APBB2: variants seen among roughly 807,000 people sequenced by gnomAD.
APBB2 encodes Fe65-like 1.
A neutral mutation model predicts 82.5 loss-of-function variants in APBB2; 38 were observed. The ratio of observed to expected loss-of-function variants is 0.46; its 90% confidence interval spans 0.36 to 0.60. The LOEUF (loss-of-function observed/expected upper bound fraction) is 0.60. Ranked by LOEUF, APBB2 falls within the 20% of genes least tolerant of loss-of-function variation. The pLI is 0.00. For synonymous variants in APBB2, 341 were observed against 368.2 expected, an observed-to-expected ratio of 0.93 and a Z score of 0.85; for missense variants, 772 against 972.3, an observed-to-expected ratio of 0.79 and a Z score of 2.74.
chr4:40,851,165 G>T (rs1280466279), intron 12 of APBB2, among the ~76,000 whole-genome samples: 1 of 152,174 alleles, frequency 6.6e-6, no homozygotes, highest in Non-Finnish European at 1.5e-5. Flanking sequence ...GAGGGACTCT[G>T]CAACTGGCTG....
At chr4:40,836,777 G>A (rs553993266) in intron 12 of APBB2, among the ~76,000 whole-genome samples, 1 of 152,342 alleles carries the variant, frequency 6.6e-6, no homozygotes, top group South Asian at 2.1e-4. Context: ...CTGGGAGAAG[G>A]AGTTTGGGGC....
intron 1 of APBB2, among the ~76,000 whole-genome samples, chr4:41,165,155 G>A (rs979645305): frequency 6.6e-6 from 1 of 152,168 alleles, no homozygotes; most frequent in African/African-American, 2.4e-5. Flanking sequence ...GGGAGAGACA[G>A]TTAGAATCCA....
intron 1 of APBB2, among the ~76,000 whole-genome samples, chr4:41,157,118 G>C (rs1763671454): frequency 6.6e-6 from 1 of 150,802 alleles, no homozygotes; most frequent in Non-Finnish European, 1.5e-5. Flanking sequence ...AGATGGAGAA[G>C]GGATTAGGGA....
At chr4:41,139,830 G>A (rs1043208957) in intron 2 of APBB2, among the ~76,000 whole-genome samples, 1 of 152,120 alleles carries the variant, frequency 6.6e-6, no homozygotes, top group Non-Finnish European at 1.5e-5. Flanking sequence ...TACTGTAATG[G>A]AAATACAACT....
At chr4:40,845,999 G>A (rs1313075167) in intron 12 of APBB2, among the ~76,000 whole-genome samples, 2 of 121,366 alleles carry the variant, frequency 1.6e-5, no homozygotes, top group Non-Finnish European at 3.5e-5. Flanking sequence ...GTGGGTGGGT[G>A]GGTGGGTGTG....
chr4:40,953,954 T>C (rs1790906012), intron 6 of APBB2, among the ~76,000 whole-genome samples: 1 of 152,216 alleles, frequency 6.6e-6, no homozygotes, highest in Non-Finnish European at 1.5e-5. Flanking sequence ...ACAAAGTCTC[T>C]CTTGTGCTGG....
rs965049102 is a variant in APBB2, at chr4:41,190,238, G to A, written c.-417+24167C>T. 2.2e-5 allele frequency among the ~76,000 whole-genome samples: 3 copies of A among 134,374 alleles called. No homozygotes were observed. The Admixed American group carries it at 2.2e-4, about 10-fold the overall frequency. 88.2% of individuals were successfully genotyped at this position (134,374 alleles called of 152,430 possible). A position where few individuals can be genotyped will look rare whatever the true frequency, so the allele number is the denominator to read the frequency against. ...TATATCAAAAGAATTTCCTACATAG[G>A]CTATTTTTTTTTTTTTTTTTTTTTT... On this transcript the variant is annotated intron_variant, in intron 1 of 17. Coordinates refer to ENST00000508593, the MANE Select transcript of APBB2 (RefSeq NM_004307.2).
chr4:41,074,544 A>C (rs1273119642), intron 3 of APBB2, among the ~76,000 whole-genome samples: 1 of 152,176 alleles, frequency 6.6e-6, no homozygotes, highest in Non-Finnish European at 1.5e-5. Flanking sequence ...TCAACAAAGA[A>C]CATGAGGCGT....
chr4:41,014,223 T>C lies in APBB2; in HGVS notation c.195A>G (p.Lys65=). 1 of 1,614,224 alleles carries C rather than the reference T, an allele frequency of 6.2e-7. No homozygotes were observed. Among genetic ancestry groups the C allele is most frequent in the African/African-American group, 1.3e-5 (1 of 75,048 alleles). The change falls in exon 6 of 18, where the codon AAA becomes AAG. Residue 65 remains lysine (K), a synonymous_variant. Transcript: ENST00000508593. The stretch of plus-strand genomic sequence containing the variant: ...TAGTTAGTGCATATTTTTTCCTGCA[T>C]TTGGGAGGTGTGCTGTTCTTGGTTT... The part of the protein sequence containing the change: ...HTETKNSTPP[K]CRKKYALTNI...
chr4:41,036,248 A>T (rs926324259), intron 4 of APBB2, among the ~76,000 whole-genome samples: 1 of 152,104 alleles, frequency 6.6e-6, no homozygotes, highest in Non-Finnish European at 1.5e-5. Context: ...GGGCTTGAGC[A>T]CCCCCAGATT....
chr4:40,866,018 C>T (rs772941651), intron 12 of APBB2, among the ~76,000 whole-genome samples: 3 of 152,328 alleles, frequency 2.0e-5, no homozygotes, highest in Non-Finnish European at 2.9e-5. Context: ...GAATGCAAAA[C>T]GGTGCACCTC....
chr4:41,001,240 G>A (rs1805144973), intron 6 of APBB2, among the ~76,000 whole-genome samples: 1 of 152,166 alleles, frequency 6.6e-6, no homozygotes, highest in South Asian at 2.1e-4. Context: ...TTGGGGAAAG[G>A]TTCTATTAAT....
At chr4:41,182,651 A>C (rs1249953559) in intron 1 of APBB2, among the ~76,000 whole-genome samples, 1 of 152,220 alleles carries the variant, frequency 6.6e-6, no homozygotes, top group African/African-American at 2.4e-5. Flanking sequence ...AAAGACATTT[A>C]ATTGACTCAC....
At chr4:40,861,919 A>C (rs1762855643) in intron 12 of APBB2, among the ~76,000 whole-genome samples, 1 of 152,238 alleles carries the variant, frequency 6.6e-6, no homozygotes, top group African/African-American at 2.4e-5. Context: ...CCCAACTTTT[A>C]AAAGGCATCT....
chr4:40,870,289 G>A (rs980474083), intron 12 of APBB2, among the ~76,000 whole-genome samples: 3 of 152,186 alleles, frequency 2.0e-5, no homozygotes, highest in Non-Finnish European at 4.4e-5. Flanking sequence ...AGAGTGAGGG[G>A]CAGCGCAGAG....
At chr4:40,999,236 T>A (rs1804472690) in intron 6 of APBB2, among the ~76,000 whole-genome samples, 1 of 151,922 alleles carries the variant, frequency 6.6e-6, no homozygotes, top group African/African-American at 2.4e-5. Flanking sequence ...AGCTCAGGAG[T>A]TCGAAACCAG....
chr4:41,062,627 C>T (rs185505991), intron 4 of APBB2, among the ~76,000 whole-genome samples: 86 of 152,258 alleles, frequency 5.6e-4, no homozygotes, highest in Middle Eastern at 6.8e-3. Flanking sequence ...AGGGTACGAA[C>T]CACACTCTAG....
At chr4:41,209,465 C>T (rs17443492) in intron 1 of APBB2, among the ~76,000 whole-genome samples, 12,135 of 152,254 alleles carry the variant, frequency 0.08, 692 homozygotes, top group Non-Finnish European at 0.12. Context: ...GGGCTAACGT[C>T]AAATGAGAGT....
intron 12 of APBB2, among the ~76,000 whole-genome samples, chr4:40,856,775 C>A (rs1761328927): frequency 6.6e-6 from 1 of 152,156 alleles, no homozygotes. Context: ...AGGACGCCTC[C>A]CCCCCATTTC....
Sources: gnomAD v4.1 joint callset for allele counts (sites outside exome capture counted in the v4.1 genomes callset) on GRCh38, gnomAD v4.1.1 for gene constraint, MANE v1.5 for transcripts, NCBI Gene and HGNC (gene_info 2026-07-23, HGNC 2026-07-21) for gene names.